HIF3A: variants seen among roughly 807,000 people sequenced by gnomAD.
HIF3A encodes the protein hypoxia-inducible factor 3-alpha.
HIF3A carries 41 observed loss-of-function variants against 67.2 expected under a neutral mutation model. That is an observed-to-expected ratio of 0.61 (90% CI 0.48 to 0.79). The LOEUF is 0.79. Among genes scored for constraint, HIF3A ranks in the 30% least tolerant of loss-of-function variants. HIF3A has a pLI of 0.00. For synonymous variants in HIF3A, 356 were observed against 374.8 expected (o/e 0.95, Z 0.58); for missense variants, 855 against 898.0 (o/e 0.95, Z 0.61).
chr19:46,324,287 G>T (rs1970597078), intron 10 of HIF3A, among the ~76,000 whole-genome samples: 2 of 152,082 alleles, frequency 1.3e-5, no homozygotes, highest in Non-Finnish European at 2.9e-5. Context: ...ACTCAGTAGG[G>T]GCCTGGCACC....
intron 13 of HIF3A, among the ~76,000 whole-genome samples, chr19:46,334,610 C>T (rs1389105999): frequency 6.6e-6 from 1 of 152,086 alleles, no homozygotes; most frequent in Non-Finnish European, 1.5e-5. Context: ...TGCAGTGACA[C>T]GATCATAGCT....
rs1969214181 is a variant in HIF3A, at chr19:46,309,296, T to G, written c.707T>G (p.Leu236Arg). Residue 236 changes from leucine (L) to arginine (R), a missense_variant, in exon 6 of 15, where the codon CTG (leucine) becomes CGG (arginine). Leu to Arg is a moderately radical substitution (Grantham distance 102). This residue lies in a region of HIF3A where 638 missense variants were observed against 660.5 expected (regional missense o/e 0.97). Coordinates refer to ENST00000377670, the MANE Select transcript of HIF3A (RefSeq NM_152795.4). ...CACCCAGGCAGCCTGGAGCCCCCAC[T>G]GGGCCGAGGGGCCTTCCTCAGCCGC... The part of the protein sequence containing the change: ...IPHPGSLEPP[L>R]GRGAFLSRHS... 6.2e-7 allele frequency: 1 copy of G among 1,613,254 alleles called. No individual in the cohort carries two copies. The highest frequency in any genetic ancestry group is 8.5e-7 in the Non-Finnish European group (1 of 1,179,758).
chr19:46,318,657 G>A (rs1345966743), intron 8 of HIF3A, among the ~76,000 whole-genome samples: 1 of 150,474 alleles, frequency 6.6e-6, no homozygotes, highest in Admixed American at 6.6e-5. Flanking sequence ...GCCTCACTCT[G>A]TCACCCAGGC....
intron 10 of HIF3A, among the ~76,000 whole-genome samples, chr19:46,324,983 TA>T (rs1197720709): frequency 3.0e-4 from 34 of 113,034 alleles, no homozygotes; most frequent in South Asian, 2.7e-4. Flanking sequence ...CACACACATA[TA>T]TTGTGTGTGT....
chr19:46,323,469 C>T (rs956131993), intron 10 of HIF3A, among the ~76,000 whole-genome samples: 4 of 152,104 alleles, frequency 2.6e-5, no homozygotes, highest in Middle Eastern at 3.2e-3. Context: ...AGGCCTAACA[C>T]ACCCAGTGTT....
At chr19:46,309,415 A>T in intron 6 of HIF3A, 56 bp downstream of exon 6, 3 of 1,043,466 alleles carry the variant, frequency 2.9e-6, no homozygotes, top group Non-Finnish European at 4.2e-6. Context: ...TTCCCTCCCC[A>T]CCTCCACACT....
chr19:46,323,162 T>G (rs1476689846), intron 10 of HIF3A, among the ~76,000 whole-genome samples: 1 of 151,946 alleles, frequency 6.6e-6, no homozygotes, highest in Non-Finnish European at 1.5e-5. Flanking sequence ...GCAATGCTCC[T>G]GCCTCAGCCT....
intron 11 of HIF3A, among the ~76,000 whole-genome samples, chr19:46,326,601 G>A (rs941406494): frequency 3.9e-5 from 6 of 152,122 alleles, no homozygotes; most frequent in African/African-American, 1.2e-4. Context: ...GCATCAGCTT[G>A]AAGTCCAGAA....
chr19:46,313,046 T>A, intron 8 of HIF3A: 1 of 915,426 alleles, frequency 1.1e-6, no homozygotes, highest in Non-Finnish European at 1.3e-6. Flanking sequence ...GCTCAGGAGT[T>A]CGAAACCAGC....
At chr19:46,311,389 C>T (rs561999543) in intron 6 of HIF3A, among the ~76,000 whole-genome samples, 4 of 152,166 alleles carry the variant, frequency 2.6e-5, no homozygotes, top group Non-Finnish European at 4.4e-5. Context: ...CCAGGAGTTC[C>T]GGATCAGCCT....
At chr19:46,321,715 G>T in intron 9 of HIF3A, 61 bp from the exon 10 acceptor site, 1 of 1,462,798 alleles carries the variant, frequency 6.8e-7, no homozygotes. Flanking sequence ...GGTATGGAGG[G>T]CTCTGGCCCT....
intron 13 of HIF3A, 181 bp downstream of exon 13, chr19:46,331,454 T>C: frequency 3.1e-6 from 1 of 323,444 alleles, no homozygotes; most frequent in Non-Finnish European, 6.0e-6. Flanking sequence ...TAAAAACCTC[T>C]GCAGTGAACT....
intron 11 of HIF3A, 154 bp from the exon 12 acceptor site, chr19:46,329,053 T>C: frequency 1.6e-6 from 1 of 636,372 alleles, no homozygotes; most frequent in Non-Finnish European, 2.6e-6. Flanking sequence ...AACATGTTCT[T>C]CAGGGAGTCC....
chr19:46,321,616 C>G (rs1970370017), intron 9 of HIF3A, among the ~76,000 whole-genome samples, 160 bp from the exon 10 acceptor site: 1 of 152,024 alleles, frequency 6.6e-6, no homozygotes, highest in Non-Finnish European at 1.5e-5. Context: ...CCTGGCCCAG[C>G]AGGGGTCCTC....
chr19:46,299,734 G>GAA (rs56032687), intron 1 of HIF3A, among the ~76,000 whole-genome samples: 77,264 of 137,074 alleles, frequency 0.56, 22,861 homozygotes, highest in Non-Finnish European at 0.66. Context: ...TAGAAAAATA[G>GAA]AAAAAAAAAA....
intron 1 of HIF3A, among the ~76,000 whole-genome samples, chr19:46,301,650 A>T (rs1968342912): frequency 6.6e-6 from 1 of 151,812 alleles, no homozygotes; most frequent in Non-Finnish European, 1.5e-5. Context: ...ACATAGCGAA[A>T]CCCCGTCTCT....
chr19:46,312,682 G>T, intron 8 of HIF3A, 29 bp downstream of exon 8: 1 of 1,539,010 alleles, frequency 6.5e-7, no homozygotes, highest in Non-Finnish European at 8.8e-7. Context: ...TGGGGTGGCT[G>T]TGTGTGGGCC....
chr19:46,322,081 G>T, intron 10 of HIF3A, 115 bp downstream of exon 10: 6 of 1,068,070 alleles, frequency 5.6e-6, no homozygotes, highest in Non-Finnish European at 8.1e-6. Flanking sequence ...CATCTGTGTA[G>T]TGGGGAGGTT....
chr19:46,305,335 A>G lies in HIF3A; in HGVS notation c.308A>G (p.Glu103Gly). 1.2e-6 allele frequency: 2 copies of G among 1,614,118 alleles called. No individual in the cohort carries two copies. Among genetic ancestry groups the G allele is most frequent in the East Asian group, 2.2e-5 (1 of 44,882 alleles). ...LEGFVMVLTA[E>G]GDMAYLSENV... ...GGCTTCGTCATGGTGCTCACCGCCG[A>G]GGGAGACATGGCTTACCTGTCGGAG... Residue 103 changes from glutamate (E) to glycine (G), a missense_variant, in exon 3 of 15, where the codon GAG becomes GGG. Glu to Gly is a moderately conservative substitution (Grantham distance 98). Coordinates refer to ENST00000377670, the MANE Select transcript of HIF3A (RefSeq NM_152795.4).
Sources: allele counts gnomAD v4.1 joint callset (sites outside exome capture counted in the v4.1 genomes callset), GRCh38; gene constraint gnomAD v4.1.1; regional missense constraint gnomAD v4.1.1; transcripts MANE v1.5; gene names NCBI Gene and HGNC (gene_info 2026-07-23, HGNC 2026-07-21).